Variants in MKLN1 observed in about 807,000 individuals in gnomAD.
The protein encoded by MKLN1 is muskelin.
Under a neutral mutation model 99.0 loss-of-function variants are expected in MKLN1, and 18 were observed. That is an observed-to-expected ratio of 0.18 (90% CI 0.13 to 0.27). The LOEUF is 0.27. Ranked by LOEUF, MKLN1 falls within the 10% of genes least tolerant of loss-of-function variation. MKLN1 has a pLI of 1.00. For missense variants in MKLN1, 621 were observed against 875.9 expected (o/e 0.71, Z 3.67); for synonymous variants, 288 against 293.2 (o/e 0.98, Z 0.18).
intron 2 of MKLN1, among the ~76,000 whole-genome samples, chr7:131,190,903 T>G (rs1488541095): frequency 1.3e-5 from 2 of 152,200 alleles, no homozygotes; most frequent in Non-Finnish European, 2.9e-5. Flanking sequence ...GCAGGTCTGT[T>G]AGACCACTGC....
intron 3 of MKLN1, among the ~76,000 whole-genome samples, chr7:131,311,902 G>C (rs1171156430): frequency 6.6e-6 from 1 of 151,630 alleles, no homozygotes; most frequent in Non-Finnish European, 1.5e-5. Flanking sequence ...TTATTCAAAA[G>C]AGAAAACCAA....
chr7:131,265,186 G>A (rs917143079), intron 3 of MKLN1, among the ~76,000 whole-genome samples: 1 of 151,972 alleles, frequency 6.6e-6, no homozygotes, highest in Non-Finnish European at 1.5e-5. Flanking sequence ...GTAAGGAGGG[G>A]GCAAAAGTAC....
intron 8 of MKLN1, among the ~76,000 whole-genome samples, chr7:131,416,979 CAAAAAAAA>C (rs374145180): frequency 2.0e-5 from 1 of 49,564 alleles, no homozygotes; most frequent in Non-Finnish European, 4.5e-5. Flanking sequence ...GCAACCCTGT[CAAAAAAAA>C]AAAAAAAAAA....
At position 131,469,008 on chromosome 7, in the gene MKLN1, G is replaced by A. The variant is rs1414368304; in HGVS notation, c.1929-1834G>A. On this transcript the variant is annotated intron_variant, in intron 15 of 17. Coordinates refer to ENST00000352689, the MANE Select transcript of MKLN1 (RefSeq NM_013255.5). ...GGATGGAGAATTGTTTAGGATACTGGAACAATTCTAGTAGCCAGGTGCTAC... is the reference window on the plus strand; with the variant it reads ...GGATGGAGAATTGTTTAGGATACTGAAACAATTCTAGTAGCCAGGTGCTAC... Among the ~76,000 whole-genome samples the A allele has an allele frequency of 2.6e-5, 4 of 152,136 alleles. No homozygotes were observed. The East Asian group carries it at 5.8e-4, about 22-fold the overall frequency.
intron 3 of MKLN1, among the ~76,000 whole-genome samples, chr7:131,245,268 CTT>C (rs34255726): frequency 1.5e-4 from 20 of 129,530 alleles, no homozygotes; most frequent in African/African-American, 1.4e-4. Context: ...ATTATACGGT[CTT>C]TTTTTTTTTT....
intron 2 of MKLN1, among the ~76,000 whole-genome samples, chr7:131,186,992 T>C (rs549266981): frequency 6.6e-6 from 1 of 152,178 alleles, no homozygotes; most frequent in Non-Finnish European, 1.5e-5. Flanking sequence ...GAACATTGTG[T>C]GCAGAGTTAG....
At position 131,235,809 on chromosome 7, in the gene MKLN1, C is replaced by T. The variant is rs144410377; in HGVS notation, c.-179+32835C>T. ...GCCCCGCTGCTACCTTAGGCACATA[C>T]TTATTATCAGCATCCATTTGTTCAG... is the stretch of plus-strand genomic sequence containing the variant. On this transcript the variant is annotated intron_variant, in intron 3 of 7. Coordinates refer to the MKLN1 transcript ENST00000416992. 1.1e-3 allele frequency among the ~76,000 whole-genome samples: 160 copies of T among 152,244 alleles called. 2 individuals carry two copies. The East Asian group carries it at 0.029, about 28-fold the overall frequency.
chr7:131,453,490 A>G (rs1796246032), intron 12 of MKLN1, among the ~76,000 whole-genome samples: 1 of 152,062 alleles, frequency 6.6e-6, no homozygotes, highest in South Asian at 2.1e-4. Flanking sequence ...GGAAAATCTG[A>G]CTCCAGCCTG....
intron 3 of MKLN1, among the ~76,000 whole-genome samples, chr7:131,240,737 A>G (rs1302899777): frequency 5.3e-5 from 8 of 152,254 alleles, no homozygotes; most frequent in African/African-American, 1.9e-4. Flanking sequence ...TTATGAGCCC[A>G]GCAAAAGGTG....
intron 16 of MKLN1, chr7:131,478,394 G>T (rs1037680662): frequency 4.9e-6 from 2 of 404,408 alleles, no homozygotes; most frequent in African/African-American, 2.1e-5. Context: ...ATAATTCCAG[G>T]ACATGGCCCA....
intron 3 of MKLN1, among the ~76,000 whole-genome samples, chr7:131,203,972 A>G (rs191430859): frequency 1.3e-5 from 2 of 152,332 alleles, no homozygotes; most frequent in East Asian, 3.9e-4. Context: ...TAGACATGAG[A>G]AAACTGAGTC....
At chr7:131,131,641 A>G (rs1444703141) in intron 1 of MKLN1, among the ~76,000 whole-genome samples, 2 of 152,236 alleles carry the variant, frequency 1.3e-5, no homozygotes, top group African/African-American at 4.8e-5. Context: ...ATTCGGTCAC[A>G]GAAAGTCTGG....
At chr7:131,433,252 A>G (rs949108492) in intron 9 of MKLN1, among the ~76,000 whole-genome samples, 1 of 152,280 alleles carries the variant, frequency 6.6e-6, no homozygotes, top group South Asian at 2.1e-4. Flanking sequence ...GTATCCTTCA[A>G]CTGGGTTTGT....
intron 2 of MKLN1, among the ~76,000 whole-genome samples, chr7:131,376,231 A>G (rs948345649): frequency 3.4e-5 from 5 of 147,936 alleles, no homozygotes; most frequent in Admixed American, 6.8e-5. Flanking sequence ...AAGAATATAT[A>G]TTTATAATTT....
Position 131,463,269 on chromosome 7 carries a change from A to G in MKLN1, c.1578A>G (p.Glu526=), listed in dbSNP as rs74718714. The G allele has an allele frequency of 2.3e-4, 365 of 1,612,214 alleles. No individual in the cohort carries two copies. In the East Asian group the frequency reaches 7.9e-3, roughly 35 times the overall value. The part of the protein sequence containing the change: ...QRATIDPELN[E]IHVLSGLSKD... ...CAACTATTGATCCAGAACTGAATGA[A>G]ATACACGTCTTATCTGGACTCAGCA... is the stretch of plus-strand genomic sequence containing the variant. Residue 526 remains glutamate, a synonymous_variant, in exon 13 of 18, where the codon GAA becomes GAG. Coordinates refer to ENST00000352689, the MANE Select transcript of MKLN1 (RefSeq NM_013255.5).
At chr7:131,164,757 CAG>C (rs1435738997) in intron 2 of MKLN1, among the ~76,000 whole-genome samples, 1 of 152,096 alleles carries the variant, frequency 6.6e-6, no homozygotes, top group Non-Finnish European at 1.5e-5. Flanking sequence ...AGAAGGAAGA[CAG>C]AGAGAGAATG....
chr7:131,317,599 A>G (rs1381440240), intron 3 of MKLN1, among the ~76,000 whole-genome samples: 2 of 150,632 alleles, frequency 1.3e-5, no homozygotes, highest in African/African-American at 4.8e-5. Flanking sequence ...AAATTCACAT[A>G]TAATAATATT....
intron 1 of MKLN1, among the ~76,000 whole-genome samples, chr7:131,328,722 C>G (rs1466114039): frequency 2.0e-5 from 3 of 152,188 alleles, no homozygotes; most frequent in Non-Finnish European, 2.9e-5. Context: ...GAAACTCAAA[C>G]ATAGAAACAT....
At chr7:131,161,791 G>A (rs113969531) in intron 2 of MKLN1, among the ~76,000 whole-genome samples, 2,975 of 151,828 alleles carry the variant, frequency 0.02, 102 homozygotes, top group African/African-American at 0.068. Context: ...CGCCCGCCTC[G>A]GCCTCCCAAA....
Sources: allele counts gnomAD v4.1 joint callset (sites outside exome capture counted in the v4.1 genomes callset), GRCh38; gene constraint gnomAD v4.1.1; transcripts MANE v1.5; gene names NCBI Gene and HGNC (gene_info 2026-07-23, HGNC 2026-07-21).